Variants in TRPM3 observed in about 807,000 individuals in gnomAD.
TRPM3 encodes long transient receptor potential channel 3.
Under a neutral mutation model 181.2 loss-of-function variants are expected in TRPM3, and 77 were observed. The ratio of observed to expected loss-of-function variants is 0.42; its 90% CI spans 0.35 to 0.51. TRPM3 has a LOEUF of 0.51. Among genes scored for constraint, TRPM3 ranks in the 20% least tolerant of loss-of-function variants. The pLI, the probability that TRPM3 is intolerant of heterozygous loss-of-function variation, is 0.01. For missense variants in TRPM3, 1,759 were observed against 2,196.7 expected (o/e 0.80, Z 3.98); for synonymous variants, 745 against 796.4 (o/e 0.94, Z 1.09).
intron 24 of TRPM3, 142 bp from the exon 25 acceptor site, chr9:70,549,816 A>G: frequency 1.2e-6 from 1 of 813,652 alleles, no homozygotes; most frequent in South Asian, 2.3e-5. Context: ...AATGAAATCC[A>G]AATCCAATTA....
chr9:70,807,607 T>C (rs779519771), intron 6 of TRPM3, among the ~76,000 whole-genome samples: 7 of 152,110 alleles, frequency 4.6e-5, no homozygotes, highest in Non-Finnish European at 7.4e-5. Flanking sequence ...GAGCACCTAC[T>C]TGCATAGGCT....
chr9:70,885,543 A>C (rs1408135433), intron 1 of TRPM3, among the ~76,000 whole-genome samples: 1 of 152,142 alleles, frequency 6.6e-6, no homozygotes, highest in African/African-American at 2.4e-5. Context: ...TAAACTTCTC[A>C]ATAACCCTCA....
intron 1 of TRPM3, among the ~76,000 whole-genome samples, chr9:71,076,259 C>T (rs2063448572): frequency 6.6e-6 from 1 of 152,144 alleles, no homozygotes; most frequent in Non-Finnish European, 1.5e-5. Context: ...ACCATGAAAC[C>T]AGAAAAACGC....
chr9:70,547,183 GT>G (rs1349587980), intron 25 of TRPM3, among the ~76,000 whole-genome samples: 4 of 151,994 alleles, frequency 2.6e-5, no homozygotes, highest in Admixed American at 6.6e-5. Flanking sequence ...TGTTATTGGG[GT>G]TATCTAATAT....
At chr9:70,588,314 A>G (rs1292119634) in intron 22 of TRPM3, among the ~76,000 whole-genome samples, 2 of 152,138 alleles carry the variant, frequency 1.3e-5, no homozygotes, top group Non-Finnish European at 2.9e-5. Flanking sequence ...TGCCTCCCAG[A>G]AGTGAGGGCA....
intron 11 of TRPM3, 51 bp downstream of exon 11, chr9:70,639,009 T>C: frequency 6.3e-7 from 1 of 1,593,452 alleles, no homozygotes. Context: ...CAGGAGAAGG[T>C]AAAACAAACA....
intron 8 of TRPM3, among the ~76,000 whole-genome samples, chr9:70,741,907 A>G (rs1202747918): frequency 6.6e-6 from 1 of 152,138 alleles, no homozygotes; most frequent in Non-Finnish European, 1.5e-5. Context: ...CCAAAATCTC[A>G]CAAATCACCA....
chr9:71,137,326 C>G (rs1309417553), intron 1 of TRPM3, among the ~76,000 whole-genome samples: 1 of 152,128 alleles, frequency 6.6e-6, no homozygotes, highest in Middle Eastern at 3.2e-3. Flanking sequence ...TCGCTTCTCC[C>G]TTTGTAGAAA....
intron 1 of TRPM3, among the ~76,000 whole-genome samples, chr9:71,406,365 A>T (rs2093436221): frequency 1.3e-5 from 2 of 152,240 alleles, no homozygotes; most frequent in Non-Finnish European, 2.9e-5. Context: ...ATTGTCCTCA[A>T]GGAATAAAAG....
At chr9:71,388,281 G>GT (rs1031482463) in intron 1 of TRPM3, among the ~76,000 whole-genome samples, 3 of 151,916 alleles carry the variant, frequency 2.0e-5, no homozygotes, top group Non-Finnish European at 4.4e-5. Context: ...TAAAATCGCT[G>GT]TTTTTTTCAA....
At chr9:70,606,730 C>CTTAT (rs566471649) in intron 19 of TRPM3, among the ~76,000 whole-genome samples, 10 of 151,568 alleles carry the variant, frequency 6.6e-5, no homozygotes, top group African/African-American at 2.4e-4. Flanking sequence ...ACCTGTGAGT[C>CTTAT]TTATTTAAGT....
At chr9:71,215,918 T>C (rs2079835618) in intron 1 of TRPM3, among the ~76,000 whole-genome samples, 1 of 152,200 alleles carries the variant, frequency 6.6e-6, no homozygotes, top group African/African-American at 2.4e-5. Context: ...TCCATGGCAA[T>C]GTCTGCCCCT....
intron 1 of TRPM3, among the ~76,000 whole-genome samples, chr9:71,415,241 T>C (rs1331341197): frequency 6.6e-6 from 1 of 152,060 alleles, no homozygotes; most frequent in Admixed American, 6.6e-5. Context: ...GTGGCCCTCC[T>C]GACACCTTGA....
intron 1 of TRPM3, among the ~76,000 whole-genome samples, chr9:71,004,383 T>C (rs2097650873): frequency 6.6e-6 from 1 of 152,234 alleles, no homozygotes; most frequent in Admixed American, 6.5e-5. Flanking sequence ...TCAGTTCCTG[T>C]GCAGTGTTTA....
chr9:70,684,656 G>C (rs191241355), intron 8 of TRPM3, among the ~76,000 whole-genome samples: 6 of 152,252 alleles, frequency 3.9e-5, no homozygotes, highest in Admixed American at 3.9e-4. Context: ...TGTTGGCAGA[G>C]ATGGAAAAAA....
intron 1 of TRPM3, among the ~76,000 whole-genome samples, chr9:71,366,898 G>A (rs1031400975): frequency 2.6e-5 from 4 of 151,984 alleles, no homozygotes; most frequent in African/African-American, 7.2e-5. Flanking sequence ...TTATAGATAA[G>A]ATTTCACCAA....
chr9:70,915,477 T>A (rs1241157102), intron 1 of TRPM3, among the ~76,000 whole-genome samples: 2 of 151,488 alleles, frequency 1.3e-5, no homozygotes, highest in Non-Finnish European at 2.9e-5. Context: ...TTTTTTTTTT[T>A]TTTATTTTTA....
rs961265033 is a variant in TRPM3 at position 70,788,118 on chromosome 9, C to T, written c.974-3839G>A. ...TGCTGGTGCGCTGCACCCACTAACT[C>T]GTCATCTAGCATTAGGTATATCTCC... On this transcript the variant is annotated intron_variant, in intron 6 of 25. Coordinates refer to ENST00000677713, the MANE Select transcript of TRPM3 (RefSeq NM_001366145.2). 6.1e-5 allele frequency among the ~76,000 whole-genome samples: 9 copies of T among 147,314 alleles called. No individual in the cohort carries two copies. In the East Asian group the frequency reaches 1.7e-3, roughly 27 times the overall value.
intron 1 of TRPM3, among the ~76,000 whole-genome samples, chr9:71,000,070 C>A (rs1467136807): frequency 1.3e-5 from 2 of 152,186 alleles, no homozygotes; most frequent in Non-Finnish European, 2.9e-5. Context: ...GCAGAGACAG[C>A]TGACCCAAAT....
Sources: gnomAD v4.1 joint callset for allele counts (sites outside exome capture counted in the v4.1 genomes callset) on GRCh38, gnomAD v4.1.1 for gene constraint, MANE v1.5 for transcripts, NCBI Gene and HGNC (gene_info 2026-07-23, HGNC 2026-07-21) for gene names.